The following ADNP variants were observed in gnomAD, a reference collection of about 807,000 sequenced individuals.
ADNP encodes activity-dependent neuroprotector homeobox protein.
ADNP carries 4 observed loss-of-function variants against 84.9 expected under a neutral mutation model. That is an observed-to-expected ratio of 0.05 (90% CI 0.02 to 0.11). The LOEUF is 0.11. Among genes scored for constraint, ADNP ranks in the 10% least tolerant of loss-of-function variants. ADNP has a pLI of 1.00. For missense variants in ADNP, 1,132 were observed against 1,326.0 expected (o/e 0.85, Z 2.27); for synonymous variants, 554 against 468.1 (o/e 1.18, Z -2.37).
At chr20:50,914,760 G>C (rs1983376768) in intron 2 of ADNP, among the ~76,000 whole-genome samples, 1 of 152,166 alleles carries the variant, frequency 6.6e-6, no homozygotes, top group South Asian at 2.1e-4. Flanking sequence ...TCTGCTAGAT[G>C]GTTCTAGGTG....
intron 2 of ADNP, among the ~76,000 whole-genome samples, chr20:50,926,775 A>T (rs1330559172): frequency 6.6e-6 from 1 of 152,172 alleles, no homozygotes; most frequent in Non-Finnish European, 1.5e-5. Context: ...CTTATATATG[A>T]TTCTCAAAAG....
rs759373899 is a variant in ADNP, at chr20:50,892,749, T to C, written c.1965A>G (p.Pro655=). 1.2e-6 allele frequency: 2 copies of C among 1,614,254 alleles called. No individual in the cohort carries two copies. The highest frequency in any genetic ancestry group is 1.7e-6 in the Non-Finnish European group (2 of 1,180,040). Residue 655 remains proline (P), a synonymous_variant, in exon 6 of 6, where the codon CCA becomes CCG. Transcript: ENST00000621696. The stretch of plus-strand genomic sequence containing the variant: ...ATTTGTAGGTGAGCTTTTTCTCAAC[T>C]GGATGAACCGTCTGAATAACTTGGT... ...ERHQVIQTVH[P]VEKKLTYKCI... is the part of the protein sequence containing the mutation.
At chr20:50,926,130 G>C (rs929896577) in intron 2 of ADNP, among the ~76,000 whole-genome samples, 1 of 152,116 alleles carries the variant, frequency 6.6e-6, no homozygotes, top group South Asian at 2.1e-4. Context: ...CAAAAACTAG[G>C]GGAGGAAAAA....
chr20:50,907,766 TG>T (rs1443340542), intron 2 of ADNP, among the ~76,000 whole-genome samples: 5 of 151,808 alleles, frequency 3.3e-5, no homozygotes, highest in African/African-American at 7.3e-5. Context: ...TGTGTGTGTG[TG>T]TGTTTTTTTT....
intron 2 of ADNP, among the ~76,000 whole-genome samples, chr20:50,915,648 C>G (rs944162727): frequency 6.6e-5 from 10 of 152,154 alleles, no homozygotes. Flanking sequence ...CCACAAAACA[C>G]GTAATTCTGA....
At chr20:50,922,877 T>G (rs919044818) in intron 2 of ADNP, among the ~76,000 whole-genome samples, 2 of 152,056 alleles carry the variant, frequency 1.3e-5, no homozygotes, top group African/African-American at 4.8e-5. Context: ...CCACCGCGCC[T>G]GGCCCTCCTG....
chr20:50,909,767 C>T (rs1486214236), intron 2 of ADNP: 1 of 152,222 alleles, frequency 6.6e-6, no homozygotes, highest in African/African-American at 2.4e-5. Flanking sequence ...GTACACATGA[C>T]TCAGTTTGAC....
At position 50,893,520 on chromosome 20, in the gene ADNP, A is replaced by G. The variant is rs1464093592; in HGVS notation, c.1194T>C (p.Asn398=). 1 of 1,613,922 alleles carries G rather than the reference A, an allele frequency of 6.2e-7. No individual in the cohort carries two copies. The highest frequency in any genetic ancestry group is 1.1e-5 in the South Asian group (1 of 91,084). ...APARYSLQSA[N]ASSLSSGQLK... Reference sequence around the variant, plus strand: ...ACTGGCCCGATGAGAGAGAAGAGGCATTAGCAGACTGCAGGGAGTATCTTG... The same window carrying G: ...ACTGGCCCGATGAGAGAGAAGAGGCGTTAGCAGACTGCAGGGAGTATCTTG... The change falls in exon 6 of 6, where the codon AAT becomes AAC. Residue 398 remains asparagine, a synonymous_variant. Transcript: ENST00000621696. The surrounding 1 kb of genome is among the most constrained non-coding windows in gnomAD (Gnocchi z 4.4).
At chr20:50,895,187 T>A (rs1253999104) in intron 5 of ADNP, among the ~76,000 whole-genome samples, 1 of 152,194 alleles carries the variant, frequency 6.6e-6, no homozygotes, top group Admixed American at 6.5e-5. Flanking sequence ...ACCACAGGGA[T>A]GCATTCTGAA....
intron 5 of ADNP, 123 bp from the exon 6 acceptor site, chr20:50,894,635 C>T: frequency 9.3e-7 from 1 of 1,069,800 alleles, no homozygotes; most frequent in East Asian, 2.7e-5. Flanking sequence ...TGGCTCACGC[C>T]TGTAATCCCA....
Position 50,892,104 on chromosome 20 carries a change from C to CTTCCCAAGGTTGAGCTTTT in ADNP, c.2591_2609dup (p.Glu871LysfsTer9). The stretch of plus-strand genomic sequence containing the variant: ...AACTGTCTGAGGAACTGTCATCTTC[C>CTTCCCAAGGTTGAGCTTTT]TTCCCAAGGTTGAGCTTTTTGTCAG... On this transcript the variant is annotated frameshift_variant, in exon 6 of 6. Transcript: ENST00000621696. LOFTEE classifies it high-confidence loss of function. 1 of 1,614,142 alleles carries CTTCCCAAGGTTGAGCTTTT rather than the reference C, an allele frequency of 6.2e-7. No homozygotes were observed. Among genetic ancestry groups the CTTCCCAAGGTTGAGCTTTT allele is most frequent in the Non-Finnish European group, 8.5e-7 (1 of 1,180,034 alleles).
At chr20:50,905,117 C>T (rs1315776877) in intron 2 of ADNP, 4 of 152,118 alleles carry the variant, frequency 2.6e-5, no homozygotes, top group Admixed American at 2.0e-4. Flanking sequence ...ATTAGAAATT[C>T]ATATCAACTT....
chr20:50,911,510 C>CTTTTT (rs371456557), intron 2 of ADNP, among the ~76,000 whole-genome samples: 1 of 141,900 alleles, frequency 7.0e-6, no homozygotes, highest in Non-Finnish European at 1.5e-5. Flanking sequence ...CTTTTCTTTT[C>CTTTTT]TTTTTTTTTT....
At chr20:50,897,047 T>C (rs1981479460) in intron 5 of ADNP, among the ~76,000 whole-genome samples, 1 of 152,178 alleles carries the variant, frequency 6.6e-6, no homozygotes, top group African/African-American at 2.4e-5. Flanking sequence ...GTTCAAGCGA[T>C]TCTCCTGCCT....
intron 2 of ADNP, among the ~76,000 whole-genome samples, chr20:50,912,484 G>A (rs1310788231): frequency 1.3e-5 from 2 of 152,152 alleles, no homozygotes; most frequent in South Asian, 2.1e-4. Context: ...TGTGAAACCC[G>A]TTTCCAAAGG....
At chr20:50,925,190 T>TA (rs1984202373) in intron 2 of ADNP, among the ~76,000 whole-genome samples, 1 of 151,702 alleles carries the variant, frequency 6.6e-6, no homozygotes, top group South Asian at 2.1e-4. Context: ...TTGATTAGAA[T>TA]AAAAAAACGT....
At chr20:50,911,385 T>C (rs12480328) in intron 2 of ADNP, among the ~76,000 whole-genome samples, 13,547 of 152,216 alleles carry the variant, frequency 0.089, 646 homozygotes, top group Middle Eastern at 0.13. Context: ...CGGTGAGAGA[T>C]AGGGGTCTAG....
chr20:50,892,875 C>G lies in ADNP; in HGVS notation c.1839G>C (p.Val613=), dbSNP rs1600931065. ...TTTTCCCAACATCTTTTTTATAGGG[C>G]ACTGCAGCTTGAGGTGAACTTTTTA... ...IPVKSSPQAA[V]PYKKDVGKTL... is the part of the protein sequence containing the mutation. The change falls in exon 6 of 6, where the codon GTG becomes GTC. Residue 613 remains valine, a synonymous_variant. Transcript: ENST00000621696. 2 of 1,614,204 alleles carry G rather than the reference C, an allele frequency of 1.2e-6. No homozygotes were observed. The highest frequency in any genetic ancestry group is 1.1e-5 in the South Asian group (1 of 91,082).
chr20:50,913,455 C>G (rs1983246058), intron 2 of ADNP, among the ~76,000 whole-genome samples: 1 of 151,920 alleles, frequency 6.6e-6, no homozygotes, highest in Non-Finnish European at 1.5e-5. Flanking sequence ...TTTTATATAT[C>G]TCTTATAACC....
Sources: gnomAD v4.1 joint callset for allele counts (sites outside exome capture counted in the v4.1 genomes callset) on GRCh38, gnomAD v4.1.1 for gene constraint, Gnocchi (gnomAD v3.1) non-coding constraint, MANE v1.5 for transcripts, NCBI Gene and HGNC (gene_info 2026-07-23, HGNC 2026-07-21) for gene names.